MFAP3L: variants seen among roughly 807,000 people sequenced by gnomAD.
The protein encoded by MFAP3L is microfibrillar-associated protein 3-like.
MFAP3L carries 5 observed loss-of-function variants against 20.0 expected under a neutral mutation model. The ratio of observed to expected loss-of-function variants is 0.25; its 90% confidence interval spans 0.13 to 0.53. MFAP3L has a LOEUF of 0.53. Among genes scored for constraint, MFAP3L ranks in the 20% least tolerant of loss-of-function variants. The pLI is 0.96. For synonymous variants in MFAP3L, 219 were observed against 213.0 expected (o/e 1.03, Z -0.25); for missense variants, 409 against 527.5 (o/e 0.78, Z 2.20).
rs1345183851 is a variant in MFAP3L, at chr4:170,005,478, A to G, written c.298+102T>C. 8.7e-6 allele frequency: 11 copies of G among 1,264,584 alleles called. No homozygotes were observed. The Admixed American group carries it at 2.0e-4, about 23-fold the overall frequency. The allele number at this position is 1,264,584 out of a possible 1,614,324, so 78.3% of individuals were successfully genotyped here. On this transcript the variant is annotated intron_variant, in intron 2 of 2. Transcript: ENST00000361618. ...CCTTAGAAAAACAAGACAAGATGAG[A>G]TCTTTAAATCATTTGCATGAGAAGA...
intron 2 of MFAP3L, among the ~76,000 whole-genome samples, chr4:170,001,368 A>G (rs1738605027): frequency 6.6e-6 from 1 of 152,240 alleles, no homozygotes. Context: ...CAGTTGTGAC[A>G]ATTGTAGACT....
chr4:170,007,631 A>T (rs568633419), intron 1 of MFAP3L, among the ~76,000 whole-genome samples: 1 of 152,374 alleles, frequency 6.6e-6, no homozygotes, highest in South Asian at 2.1e-4. Context: ...GTCTTCTAAA[A>T]GCCAGATCTT....
At chr4:170,000,971 T>C (rs1234112140) in intron 2 of MFAP3L, among the ~76,000 whole-genome samples, 1 of 152,108 alleles carries the variant, frequency 6.6e-6, no homozygotes. Flanking sequence ...GACCCTCCCA[T>C]CTTGGCCTCC....
chr4:170,002,374 A>C (rs1738697174), intron 2 of MFAP3L: 1 of 472,208 alleles, frequency 2.1e-6, no homozygotes, highest in Non-Finnish European at 2.8e-6. Context: ...TATAAGGATT[A>C]GAAATAATAT....
intron 1 of MFAP3L, among the ~76,000 whole-genome samples, chr4:170,021,391 C>T (rs925548845): frequency 2.0e-5 from 3 of 152,158 alleles, no homozygotes; most frequent in African/African-American, 7.2e-5. Context: ...TTACACTGAC[C>T]TAGTACTTTA....
rs1737525934 is a variant in MFAP3L, at chr4:169,989,724, C to T, written c.*1654G>A. 1.3e-5 allele frequency: 2 copies of T among 152,174 alleles called. No individual in the cohort carries two copies. Among genetic ancestry groups the T allele is most frequent in the Admixed American group, 1.3e-4 (2 of 15,280 alleles). 9.4% of individuals were successfully genotyped at this position (152,174 alleles called of 1,614,324 possible). On this transcript the variant is annotated 3_prime_UTR_variant, in exon 3 of 3. Transcript: ENST00000361618. ...ATGTGATCCATGCAATCTTGGACAT[C>T]ATAACCCCATTACCTGATGTGGCCA...
intron 2 of MFAP3L, chr4:169,994,610 C>A: frequency 1.1e-6 from 1 of 922,500 alleles, no homozygotes; most frequent in Non-Finnish European, 1.3e-6. Flanking sequence ...CTCTAATCTA[C>A]AACCAAGCAG....
At chr4:170,005,257 C>T in intron 2 of MFAP3L, 1 of 380,086 alleles carries the variant, frequency 2.6e-6, no homozygotes. Context: ...AAACAAAACT[C>T]CCTTAAAAAT....
At chr4:170,009,123 G>A (rs553343733) in intron 1 of MFAP3L, among the ~76,000 whole-genome samples, 22 of 152,156 alleles carry the variant, frequency 1.4e-4, no homozygotes, top group African/African-American at 4.8e-4. Context: ...GGTGGCTCAC[G>A]CCTGTAATCC....
chr4:169,993,713 G>A (rs1386720223), intron 2 of MFAP3L: 3 of 152,082 alleles, frequency 2.0e-5, no homozygotes, highest in East Asian at 1.9e-4. Context: ...GGAGCCTCTC[G>A]GTGGATGCTG....
intron 2 of MFAP3L, among the ~76,000 whole-genome samples, chr4:169,997,245 T>C (rs997171376): frequency 1.3e-5 from 2 of 152,286 alleles, no homozygotes; most frequent in African/African-American, 4.8e-5. Flanking sequence ...GGATATAAAA[T>C]ATTTTTATAA....
intron 2 of MFAP3L, among the ~76,000 whole-genome samples, chr4:170,000,920 A>T (rs2110971374): frequency 6.6e-6 from 1 of 152,126 alleles, no homozygotes; most frequent in South Asian, 2.1e-4. Flanking sequence ...ACAGGGTCTC[A>T]CTATGTTGCC....
At position 169,991,668 on chromosome 4, in the gene MFAP3L, G is replaced by T. The variant is rs1737699515; in HGVS notation, c.940C>A (p.Gln314Lys). The T allele has an allele frequency of 6.2e-7, 1 of 1,614,076 alleles. No individual in the cohort carries two copies. The highest frequency in any genetic ancestry group is 8.5e-7 in the Non-Finnish European group (1 of 1,180,050). ...DASSLHEQPQ[Q>K]IAIKVSVHPQ... ...TGAACTGACACCTTGATGGCAATTT[G>T]CTGAGGTTGCTCGTGCAGCGATGAG... The change falls in exon 3 of 3, where the codon CAA (glutamine) becomes AAA (lysine). Residue 314 changes from glutamine to lysine, a missense_variant. This residue lies in a region of MFAP3L where 169 missense variants were observed against 178.2 expected (regional missense o/e 0.95). Coordinates refer to ENST00000361618, the MANE Select transcript of MFAP3L (RefSeq NM_021647.8). This position sits in a 1 kb window ranked among gnomAD's most constrained non-coding sequence, Gnocchi z 4.9.
Position 169,996,005 on chromosome 4 carries a change from G to GCCACCCC in MFAP3L, c.299-3703_299-3697dup, listed in dbSNP as rs960500106. ...TGTCCCTTGAGCAGACTGTAGCCCC[G>GCCACCCC]CCACCCCCCACCCCCCACCCTGAAA... is the stretch of plus-strand genomic sequence containing the variant. On this transcript the variant is annotated intron_variant, in intron 2 of 2. Transcript: ENST00000361618. Among the ~76,000 whole-genome samples the GCCACCCC allele has an allele frequency of 9.2e-3, 475 of 51,374 alleles. 3 individuals carry two copies. Among genetic ancestry groups the GCCACCCC allele is most frequent in the African/African-American group, 0.033 (459 of 14,014 alleles). 33.7% of individuals were successfully genotyped at this position (51,374 alleles called of 152,430 possible).
intron 1 of MFAP3L, among the ~76,000 whole-genome samples, chr4:170,010,808 CGGG>C (rs374665714): frequency 2.0e-5 from 3 of 150,318 alleles, no homozygotes; most frequent in African/African-American, 7.5e-5. Flanking sequence ...CACTGCATTG[CGGG>C]GGGGTGGGTG....
At position 169,986,812 on chromosome 4, in the gene MFAP3L, A is replaced by G. The variant is rs1295788457; in HGVS notation, c.*4566T>C. On this transcript the variant is annotated 3_prime_UTR_variant, in exon 3 of 3. Coordinates refer to ENST00000361618, the MANE Select transcript of MFAP3L (RefSeq NM_021647.8). ...TTTCCAATTTTAACAAAGGACATCC[A>G]GAACTACTGAAATACAACAAACGAA... The G allele has an allele frequency of 6.6e-6, 1 of 152,244 alleles. No individual in the cohort carries two copies. The highest frequency in any genetic ancestry group is 6.5e-5 in the Admixed American group (1 of 15,284). The allele number at this position is 152,244 out of a possible 1,614,324, so 9.4% of individuals were successfully genotyped here. A position where few individuals can be genotyped will look rare whatever the true frequency, so the allele number is the denominator to read the frequency against.
intron 1 of MFAP3L, among the ~76,000 whole-genome samples, chr4:170,015,106 G>C (rs1183640620): frequency 6.6e-6 from 1 of 152,208 alleles, no homozygotes; most frequent in Non-Finnish European, 1.5e-5. Context: ...GGGCTCTGAG[G>C]TTAAGGTCAA....
At chr4:170,026,161 G>A in intron 1 of MFAP3L, 73 bp downstream of exon 1, 2 of 909,440 alleles carry the variant, frequency 2.2e-6, no homozygotes, top group Non-Finnish European at 1.3e-6. Context: ...GCGCCGACTC[G>A]GCCGCCGACC....
chr4:169,991,129 A>C lies in MFAP3L; in HGVS notation c.*249T>G. ...GTATTTGGCAGAGATCAGCCTCTGA[A>C]ACTCATTATCACATAGACACCTTCT... On this transcript the variant is annotated 3_prime_UTR_variant, in exon 3 of 3. Coordinates refer to ENST00000361618, the MANE Select transcript of MFAP3L (RefSeq NM_021647.8). This position sits in a 1 kb window ranked among gnomAD's most constrained non-coding sequence, Gnocchi z 4.9. The C allele has an allele frequency of 1.9e-6, 1 of 528,742 alleles. No individual in the cohort carries two copies. The highest frequency in any genetic ancestry group is 3.1e-5 in the East Asian group (1 of 32,518). 32.8% of individuals were successfully genotyped at this position (528,742 alleles called of 1,614,324 possible).
Sources: allele counts gnomAD v4.1 joint callset (sites outside exome capture counted in the v4.1 genomes callset), GRCh38; gene constraint gnomAD v4.1.1; regional missense constraint gnomAD v4.1.1; non-coding constraint Gnocchi (gnomAD v3.1); transcripts MANE v1.5; gene names NCBI Gene and HGNC (gene_info 2026-07-23, HGNC 2026-07-21).